JAK1: variants seen among roughly 807,000 people sequenced by gnomAD.
JAK1 encodes tyrosine-protein kinase JAK1.
JAK1 carries 16 observed loss-of-function variants against 136.6 expected under a neutral mutation model. The ratio of observed to expected loss-of-function variants is 0.12; its 90% CI spans 0.08 to 0.18. The LOEUF (loss-of-function observed/expected upper bound fraction) is 0.18. Ranked by LOEUF, JAK1 falls within the 10% of genes least tolerant of loss-of-function variation. JAK1 has a pLI of 1.00. For synonymous variants in JAK1, 492 were observed against 519.5 expected, an observed-to-expected ratio of 0.95 and a Z score of 0.72; for missense variants, 859 against 1,450.1, an observed-to-expected ratio of 0.59 and a Z score of 6.62.
intron 1 of JAK1, among the ~76,000 whole-genome samples, chr1:64,892,589 TA>T (rs1272580637): frequency 6.6e-6 from 1 of 152,196 alleles, no homozygotes; most frequent in African/African-American, 2.4e-5. Flanking sequence ...CCAGGCACAA[TA>T]TGTGCTTTTT....
At chr1:65,036,069 AAAG>A (rs2100824275) in intron 2 of JAK1, among the ~76,000 whole-genome samples, 1 of 152,224 alleles carries the variant, frequency 6.6e-6, no homozygotes, top group South Asian at 2.1e-4. Context: ...CTCTCAAAAA[AAAG>A]AAAAGAAAAG....
chr1:64,850,863 G>A lies in JAK1; in HGVS notation c.1696C>T (p.Pro566Ser), dbSNP rs773205996. 1.2e-6 allele frequency: 2 copies of A among 1,613,606 alleles called. No homozygotes were observed. The highest frequency in any genetic ancestry group is 1.7e-6 in the Non-Finnish European group (2 of 1,179,936). ...VATKKAQEWQ[P>S]VYPMSQLSFD... The stretch of plus-strand genomic sequence containing the variant: ...CTCAGCTGGCTCATGGGGTAGACGG[G>A]CTGCCACTCCTGGGCTTTCTTAGTA... The change falls in exon 12 of 25, where the codon CCC becomes TCC. Residue 566 changes from proline (P) to serine (S), a missense_variant. By Grantham distance (74) the Pro-to-Ser change is moderately conservative. This residue lies in a region of JAK1 where 409 missense variants were observed against 753.8 expected (regional missense o/e 0.54). Transcript: ENST00000342505.
intron 1 of JAK1, among the ~76,000 whole-genome samples, chr1:64,933,961 C>A (rs1645742994): frequency 6.6e-6 from 1 of 152,146 alleles, no homozygotes; most frequent in Non-Finnish European, 1.5e-5. Flanking sequence ...CATTCTCAAG[C>A]AATACACACT....
intron 1 of JAK1, among the ~76,000 whole-genome samples, chr1:65,065,068 T>G (rs1050413768): frequency 2.0e-5 from 3 of 152,184 alleles, no homozygotes; most frequent in Admixed American, 6.5e-5. Flanking sequence ...TCAAAGTTCA[T>G]TGTGTTCCTC....
At chr1:65,036,009 A>G (rs1446445763) in intron 2 of JAK1, among the ~76,000 whole-genome samples, 1 of 152,154 alleles carries the variant, frequency 6.6e-6, no homozygotes, top group Non-Finnish European at 1.5e-5. Context: ...TAGAAGTTGC[A>G]GTGAGCCGAG....
intron 1 of JAK1, among the ~76,000 whole-genome samples, chr1:65,056,498 C>T (rs959692974): frequency 3.3e-5 from 5 of 152,204 alleles, no homozygotes; most frequent in Admixed American, 1.3e-4. Flanking sequence ...CCTCTCTGTA[C>T]GAGGCCTACT....
chr1:64,850,788 T>C lies in JAK1; in HGVS notation c.1755+16A>G, dbSNP rs762867486. 6.3e-7 allele frequency: 1 copy of C among 1,585,844 alleles called. No individual in the cohort carries two copies. Among genetic ancestry groups the C allele is most frequent in the Non-Finnish European group, 8.7e-7 (1 of 1,154,342 alleles). On this transcript the variant is annotated intron_variant, in intron 12 of 24. Transcript: ENST00000342505. ...GCAGGACCACAGCTGGCCCACACCC[T>C]GCAGCCGTGACTCACCTGCACCAGA...
intron 1 of JAK1, among the ~76,000 whole-genome samples, chr1:64,917,061 A>T (rs1410055876): frequency 3.3e-5 from 5 of 152,176 alleles, no homozygotes; most frequent in Non-Finnish European, 7.3e-5. Context: ...AAGGCCCATC[A>T]AAACAATGGA....
At position 64,840,708 on chromosome 1, in the gene JAK1, T is replaced by TGA. The variant is rs1274595451; in HGVS notation, c.2649+536_2649+537insTC. On this transcript the variant is annotated intron_variant, in intron 19 of 24. Transcript: ENST00000342505. The stretch of plus-strand genomic sequence containing the variant: ...ATTAGCCAGCATGGGGGCGTGTGCC[T>TGA]GTAGTTCCAGCTACTCAGGAGGCTG... Among the ~76,000 whole-genome samples, 3 of 152,174 alleles carry TGA rather than the reference T, an allele frequency of 2.0e-5. No homozygotes were observed. The East Asian group carries it at 5.8e-4, about 30-fold the overall frequency.
intron 2 of JAK1, among the ~76,000 whole-genome samples, chr1:64,989,179 G>T (rs1314098864): frequency 6.7e-6 from 1 of 149,564 alleles, no homozygotes; most frequent in African/African-American, 2.4e-5. Flanking sequence ...ACAAAAATTT[G>T]CTGGGTGTGG....
At chr1:65,059,566 T>C (rs1259944143) in intron 1 of JAK1, among the ~76,000 whole-genome samples, 1 of 152,164 alleles carries the variant, frequency 6.6e-6, no homozygotes, top group Non-Finnish European at 1.5e-5. Context: ...AATAATAACA[T>C]ATACACATCA....
chr1:65,051,539 G>A (rs1245876786), intron 1 of JAK1, among the ~76,000 whole-genome samples: 6 of 152,150 alleles, frequency 3.9e-5, no homozygotes, highest in Non-Finnish European at 5.9e-5. Flanking sequence ...GAGCCCAGAT[G>A]TGGTCTCAGA....
intron 1 of JAK1, among the ~76,000 whole-genome samples, chr1:65,062,944 T>C (rs1647855136): frequency 6.6e-6 from 1 of 152,242 alleles, no homozygotes; most frequent in Non-Finnish European, 1.5e-5. Flanking sequence ...GTGAGGTGTT[T>C]GGCAGTTTGT....
intron 11 of JAK1, among the ~76,000 whole-genome samples, chr1:64,851,643 G>A (rs1655603468): frequency 6.6e-6 from 1 of 152,090 alleles, no homozygotes; most frequent in Non-Finnish European, 1.5e-5. Context: ...CAAAATCCTC[G>A]AGGCCAGGAA....
Position 64,869,404 on chromosome 1 carries a change from A to G in JAK1, c.554T>C (p.Ile185Thr). Residue 185 changes from isoleucine (I) to threonine (T), a missense_variant, in exon 6 of 25, where the codon ATT becomes ACT. Ile to Thr is a moderately conservative substitution (Grantham distance 89). Transcript: ENST00000342505. ...DPKTEQDGHDIENECLGMAVL... is the reference protein window; with the variant it reads ...DPKTEQDGHDTENECLGMAVL... Reference sequence around the variant, plus strand: ...AGCCATCCCTAGACACTCGTTCTCAATATCATGTCCATCCTGCTCGGTCTT... The same window carrying G: ...AGCCATCCCTAGACACTCGTTCTCAGTATCATGTCCATCCTGCTCGGTCTT... The G allele has an allele frequency of 1.2e-6, 2 of 1,613,934 alleles. No homozygotes were observed. The highest frequency in any genetic ancestry group is 8.5e-7 in the Non-Finnish European group (1 of 1,179,854).
intron 2 of JAK1, among the ~76,000 whole-genome samples, chr1:65,010,884 A>C (rs985633237): frequency 2.0e-5 from 3 of 152,086 alleles, no homozygotes; most frequent in Admixed American, 6.6e-5. Context: ...AGGTGGGAAG[A>C]AGCTATTCTC....
At chr1:64,893,207 T>C (rs908748626) in intron 1 of JAK1, among the ~76,000 whole-genome samples, 1 of 151,898 alleles carries the variant, frequency 6.6e-6, no homozygotes, top group Non-Finnish European at 1.5e-5. Flanking sequence ...GGAAAGAGTA[T>C]GCAGACAGGA....
chr1:65,017,566 C>T (rs888235291), intron 2 of JAK1, among the ~76,000 whole-genome samples: 2 of 151,992 alleles, frequency 1.3e-5, no homozygotes, highest in African/African-American at 4.8e-5. Flanking sequence ...TCAACAACTG[C>T]AGAAAAAAAT....
intron 1 of JAK1, among the ~76,000 whole-genome samples, chr1:64,938,116 G>A (rs1185321458): frequency 1.3e-5 from 2 of 151,584 alleles, no homozygotes; most frequent in Admixed American, 6.6e-5. Context: ...TCCTGACCTC[G>A]TGATCTGCCC....
Sources: allele counts gnomAD v4.1 joint callset (sites outside exome capture counted in the v4.1 genomes callset), GRCh38; gene constraint gnomAD v4.1.1; regional missense constraint gnomAD v4.1.1; transcripts MANE v1.5; gene names NCBI Gene and HGNC (gene_info 2026-07-23, HGNC 2026-07-21).